The following USP34 variants were observed in gnomAD, a reference collection of about 807,000 sequenced individuals.
The protein encoded by USP34 is ubiquitin specific peptidase 34, also known as ubiquitin carboxyl-terminal hydrolase 34.
In USP34, 70 loss-of-function variants were observed where a neutral mutation model predicts 460.3. That is an observed-to-expected ratio of 0.15 (90% CI 0.13 to 0.19). USP34 has a LOEUF of 0.19. Ranked by LOEUF, USP34 falls within the 10% of genes least tolerant of loss-of-function variation. USP34 has a pLI of 1.00. For missense variants in USP34, 3,985 were observed against 4,236.2 expected, an observed-to-expected ratio of 0.94 and a Z score of 1.65; for synonymous variants, 1,647 against 1,405.3, an observed-to-expected ratio of 1.17 and a Z score of -3.85.
At position 61,363,141 on chromosome 2, in the gene USP34, A is replaced by T. The variant is rs1440503123; in HGVS notation, c.1251+7180T>A. Among the ~76,000 whole-genome samples, 2 of 152,168 alleles carry T rather than the reference A, an allele frequency of 1.3e-5. 1 individual carries two copies. The highest frequency in any genetic ancestry group is 4.1e-4 in the South Asian group (2 of 4,834). On this transcript the variant is annotated intron_variant, in intron 10 of 79. Transcript: ENST00000398571. ...AATTAATCACCAGGAAAATGCAAAT[A>T]AAAACCACAATGAGATACAAATTCA...
chr2:61,409,669 G>A (rs951073614), intron 2 of USP34, among the ~76,000 whole-genome samples: 2 of 152,078 alleles, frequency 1.3e-5, no homozygotes, highest in African/African-American at 4.8e-5. Flanking sequence ...AGCCAAGACT[G>A]CGCCACTGCA....
intron 42 of USP34, 48 bp from the exon 43 acceptor site, chr2:61,265,605 AAC>A (rs1439930739): frequency 3.9e-6 from 6 of 1,551,144 alleles, no homozygotes; most frequent in Non-Finnish European, 5.2e-6. Flanking sequence ...CAAACTATGA[AAC>A]ACAATGTATT....
chr2:61,248,159 G>C (rs1333559682), intron 49 of USP34, among the ~76,000 whole-genome samples: 2 of 102,490 alleles, frequency 2.0e-5, no homozygotes, highest in African/African-American at 7.7e-5. Flanking sequence ...CAGCCTAGGA[G>C]ACAAAATAAG....
intron 5 of USP34, among the ~76,000 whole-genome samples, chr2:61,385,671 CAAAAA>C (rs61200102): frequency 3.3e-4 from 15 of 46,000 alleles, no homozygotes; most frequent in Admixed American, 1.5e-3. Context: ...GACTCTGTCT[CAAAAA>C]AAAAAAAAAA....
intron 10 of USP34, among the ~76,000 whole-genome samples, chr2:61,359,892 C>T (rs998540935): frequency 2.1e-5 from 3 of 144,584 alleles, no homozygotes; most frequent in African/African-American, 7.6e-5. Flanking sequence ...TCAAGCAATT[C>T]TCCTGTCTCA....
chr2:61,331,649 A>G (rs1238865589), intron 19 of USP34, among the ~76,000 whole-genome samples: 3 of 152,090 alleles, frequency 2.0e-5, no homozygotes, highest in African/African-American at 4.8e-5. Context: ...TAAAAGTAAT[A>G]TGATACCCTT....
At chr2:61,301,294 C>A in intron 28 of USP34, 60 bp downstream of exon 28, 3 of 1,558,366 alleles carry the variant, frequency 1.9e-6, no homozygotes, top group Non-Finnish European at 8.8e-7. Context: ...ACATCTGCGA[C>A]TATTCAACTG....
intron 53 of USP34, among the ~76,000 whole-genome samples, 173 bp downstream of exon 53, chr2:61,241,387 C>G (rs1368666309): frequency 6.6e-6 from 1 of 152,138 alleles, no homozygotes; most frequent in Non-Finnish European, 1.5e-5. Context: ...TAATCTCATT[C>G]ATTTTCATTT....
intron 44 of USP34, among the ~76,000 whole-genome samples, chr2:61,259,058 G>A (rs553981282): frequency 2.0e-5 from 3 of 152,042 alleles, no homozygotes; most frequent in Non-Finnish European, 4.4e-5. Flanking sequence ...TCAGGAGTTC[G>A]AGACCAGCCT....
In USP34 at chr2:61,260,756, G is replaced by A. The variant is rs559089499; in HGVS notation, c.5779-980C>T. ...TATTACGAAAAAAGTCACACAAAAT[G>A]AAATTTTCCAACGTATCAAAGTATT... On this transcript the variant is annotated intron_variant, in intron 43 of 79. Transcript: ENST00000398571. 4.6e-5 allele frequency among the ~76,000 whole-genome samples: 7 copies of A among 152,196 alleles called. No individual in the cohort carries two copies. The South Asian group carries it at 1.2e-3, about 27-fold the overall frequency.
chr2:61,433,236 G>A (rs184388637), intron 1 of USP34, among the ~76,000 whole-genome samples: 109 of 152,262 alleles, frequency 7.2e-4, no homozygotes, highest in African/African-American at 2.5e-3. Context: ...CACCCAGATG[G>A]GATTTGCCTG....
chr2:61,231,371 C>T (rs1463384620), intron 58 of USP34, among the ~76,000 whole-genome samples: 3 of 151,900 alleles, frequency 2.0e-5, no homozygotes, highest in Admixed American at 6.6e-5. Context: ...TACTAAAAAC[C>T]ACTAAATTTT....
chr2:61,316,585 A>G (rs1368359879), intron 23 of USP34, among the ~76,000 whole-genome samples: 1 of 143,704 alleles, frequency 7.0e-6, no homozygotes, highest in Non-Finnish European at 1.5e-5. Flanking sequence ...ACACCATCTC[A>G]AAAAAAATAA....
At chr2:61,415,505 A>G (rs1430330682) in intron 2 of USP34, among the ~76,000 whole-genome samples, 2 of 152,198 alleles carry the variant, frequency 1.3e-5, no homozygotes, top group Non-Finnish European at 2.9e-5. Context: ...AAAGAATGAA[A>G]TCCTTATATA....
chr2:61,430,076 G>A (rs942067360), intron 1 of USP34, among the ~76,000 whole-genome samples: 3 of 152,156 alleles, frequency 2.0e-5, no homozygotes, highest in East Asian at 1.9e-4. Context: ...TTAGCCGCGC[G>A]TGGTGGTGGG....
Position 61,449,790 on chromosome 2 carries a change from C to T in USP34, c.43+20860G>A, listed in dbSNP as rs188059128. Among the ~76,000 whole-genome samples, 525 of 149,732 alleles carry T rather than the reference C, an allele frequency of 3.5e-3. 2 individuals carry two copies. The highest frequency in any genetic ancestry group is 2.4e-3 in the Non-Finnish European group (157 of 66,662). On this transcript the variant is annotated intron_variant, in intron 1 of 79. Transcript: ENST00000398571. ...TGCAAAAGAATGAAGTTGTATCAGC[C>T]GGCGCGGTGGCTCACGCCTGTAATC...
intron 47 of USP34, 75 bp downstream of exon 47, chr2:61,256,798 G>T: frequency 8.9e-7 from 1 of 1,125,006 alleles, no homozygotes; most frequent in Non-Finnish European, 1.2e-6. Context: ...AAAATATCAA[G>T]ATGACCAACA....
rs781061578 is a variant in USP34 at position 61,188,594 on chromosome 2, C to G, written c.10149G>C (p.Thr3383=). 2 of 1,614,048 alleles carry G rather than the reference C, an allele frequency of 1.2e-6. No homozygotes were observed. The highest frequency in any genetic ancestry group is 2.7e-5 in the African/African-American group (2 of 74,906). ...KTETREVLTP[T]STSDNETRDS... ...CTCTGGTCTCATTGTCAGAAGTGCT[C>G]GTTGGGGTCAGGACCTCCCTGGTTT... The change falls in exon 80 of 80, where the codon ACG becomes ACC. Residue 3383 remains threonine, a synonymous_variant. Coordinates refer to ENST00000398571, the MANE Select transcript of USP34 (RefSeq NM_014709.4).
chr2:61,435,796 C>T (rs113618752), intron 1 of USP34, among the ~76,000 whole-genome samples: 6 of 151,848 alleles, frequency 4.0e-5, no homozygotes, highest in Non-Finnish European at 5.9e-5. Context: ...TGGGAGGCCA[C>T]GACGGGCAGA....
Sources: allele counts gnomAD v4.1 joint callset (sites outside exome capture counted in the v4.1 genomes callset), GRCh38; gene constraint gnomAD v4.1.1; transcripts MANE v1.5; gene names NCBI Gene and HGNC (gene_info 2026-07-23, HGNC 2026-07-21).